The following RIF1 variants were observed in gnomAD, a reference collection of about 807,000 sequenced individuals.
RIF1 encodes replication timing regulatory factor 1, also known as telomere-associated protein RIF1.
A neutral mutation model predicts 247.1 loss-of-function variants in RIF1; 45 were observed. The observed-to-expected ratio is 0.18, with a 90% CI of 0.14 to 0.23. RIF1 has a LOEUF of 0.23. RIF1 is among the 10% of genes least tolerant of loss of function. The pLI, the probability that RIF1 is intolerant of heterozygous loss-of-function variation, is 1.00. For missense variants in RIF1, 2,967 were observed against 2,862.5 expected (o/e 1.04, Z -0.83); for synonymous variants, 1,087 against 978.8 (o/e 1.11, Z -2.06).
intron 6 of RIF1, among the ~76,000 whole-genome samples, chr2:151,417,694 A>C (rs181637798): frequency 6.6e-6 from 1 of 152,352 alleles, no homozygotes; most frequent in East Asian, 1.9e-4. Context: ...CCTAGAAATG[A>C]TTTAAAGTAT....
At chr2:151,521,060 G>A in the RIF1 span, among the ~76,000 whole-genome samples, 1 of 152,008 alleles carries the variant, frequency 6.6e-6, no homozygotes, top group African/African-American at 2.4e-5. Flanking sequence ...CAACCAAAAG[G>A]GCAATATTTA....
chr2:151,435,326 A>T, intron 10 of RIF1, 137 bp from the exon 11 acceptor site: 1 of 615,690 alleles, frequency 1.6e-6, no homozygotes, highest in South Asian at 2.3e-5. Context: ...TCCACTTTTT[A>T]GCCTGTTTGT....
At position 151,435,597 on chromosome 2, in the gene RIF1, C is replaced by T. The variant is rs763140698; in HGVS notation, c.1195+17C>T. On this transcript the variant is annotated intron_variant, in intron 11 of 35. Coordinates refer to ENST00000444746, the MANE Select transcript of RIF1 (RefSeq NM_018151.5). ...TACACAAAGGTAAGAGGTAGATATT[C>T]TTGTTTTTTGCTTTTTTAATCAGGC... The T allele has an allele frequency of 2.8e-6, 4 of 1,430,808 alleles. No individual in the cohort carries two copies. The highest frequency in any genetic ancestry group is 3.9e-6 in the Non-Finnish European group (4 of 1,016,582). The allele number at this position is 1,430,808 out of a possible 1,614,324, so 88.6% of individuals were successfully genotyped here. A position where few individuals can be genotyped will look rare whatever the true frequency, so the allele number is the denominator to read the frequency against.
chr2:151,462,595 A>T, intron 29 of RIF1, 129 bp downstream of exon 29: 3 of 647,846 alleles, frequency 4.6e-6, no homozygotes, highest in Non-Finnish European at 7.7e-6. Flanking sequence ...TTATTGTATG[A>T]TTTCCTTTTA....
chr2:151,417,969 G>A (rs926074998), intron 6 of RIF1, among the ~76,000 whole-genome samples: 1 of 152,008 alleles, frequency 6.6e-6, no homozygotes, highest in African/African-American at 2.4e-5. Flanking sequence ...CCTAAACATA[G>A]AAAAGGTACA....
In RIF1 at chr2:151,475,911, G is replaced by T. The variant is rs369380829; in HGVS notation, c.*840G>T. On this transcript the variant is annotated 3_prime_UTR_variant, in exon 36 of 36. Transcript: ENST00000444746. ...TATTAAATACTGAAATATCAGTATC[G>T]ACGGTGGAAGTGCTTCATGGGCTTG... The T allele has an allele frequency of 6.6e-6, 1 of 152,482 alleles. No homozygotes were observed. The highest frequency in any genetic ancestry group is 1.5e-5 in the Non-Finnish European group (1 of 68,008). The allele number at this position is 152,482 out of a possible 1,614,324, so 9.4% of individuals were successfully genotyped here.
chr2:151,426,598 G>C (rs1689139776), intron 8 of RIF1, among the ~76,000 whole-genome samples: 1 of 151,934 alleles, frequency 6.6e-6, no homozygotes, highest in South Asian at 2.1e-4. Flanking sequence ...TGAGTAGTTA[G>C]CATTTCATTG....
At chr2:151,525,410 T>C in the RIF1 span, 6 of 639,654 alleles carry the variant, frequency 9.4e-6, no homozygotes, top group Non-Finnish European at 1.4e-5. Flanking sequence ...AAGACCCATA[T>C]TCTAGTTCTT....
intron 6 of RIF1, among the ~76,000 whole-genome samples, chr2:151,418,227 G>A (rs1376895264): frequency 1.3e-5 from 2 of 151,982 alleles, no homozygotes; most frequent in Non-Finnish European, 2.9e-5. Context: ...ATTTTTTTGA[G>A]ACAGTCTCAC....
chr2:151,434,095 G>A (rs926534928), intron 10 of RIF1, among the ~76,000 whole-genome samples: 1 of 150,850 alleles, frequency 6.6e-6, no homozygotes, highest in Non-Finnish European at 1.5e-5. Context: ...TTGAACCCAG[G>A]AGATGGAGGT....
chr2:151,533,296 C>A, the RIF1 span: 21 of 599,174 alleles, frequency 3.5e-5, no homozygotes, highest in Non-Finnish European at 5.6e-5. Flanking sequence ...ATTCAGAGAT[C>A]ATTTACAAGG....
chr2:151,518,104 C>T, the RIF1 span, among the ~76,000 whole-genome samples: 1 of 152,154 alleles, frequency 6.6e-6, no homozygotes, highest in Non-Finnish European at 1.5e-5. Context: ...CCAGCCCCTG[C>T]CAGTAGCACA....
At chr2:151,514,424 T>G in the RIF1 span, 2 of 1,602,778 alleles carry the variant, frequency 1.2e-6, no homozygotes, top group Non-Finnish European at 1.7e-6. Context: ...TTTCCTGTAC[T>G]CTTTCTATAT....
intron 30 of RIF1, 122 bp downstream of exon 30, chr2:151,466,242 C>T: frequency 1.6e-6 from 1 of 632,524 alleles, no homozygotes; most frequent in Non-Finnish European, 2.8e-6. Flanking sequence ...TGATTATTTA[C>T]CATAATGGTT....
At chr2:151,426,032 G>A (rs1166300789) in intron 8 of RIF1, among the ~76,000 whole-genome samples, 1 of 151,536 alleles carries the variant, frequency 6.6e-6, no homozygotes, top group Non-Finnish European at 1.5e-5. Context: ...TTATATCCAA[G>A]CTCAGTATTC....
At position 151,506,145 on chromosome 2, in the gene RIF1, G is replaced by T. The variant is rs551832094; in HGVS notation, c.*862-65G>T. 1.6e-5 allele frequency: 25 copies of T among 1,566,984 alleles called. No homozygotes were observed. The South Asian group carries it at 2.8e-4, about 17-fold the overall frequency. ...CAAAGGGAGGCAGAAAATATTGCAA[G>T]TGCATTCACTGTGTCTTTACCGAGC... On this transcript the variant is annotated intron_variant and NMD_transcript_variant, in intron 12 of 13. Coordinates refer to the RIF1 transcript ENST00000454583.
chr2:151,446,321 T>G, intron 19 of RIF1, 105 bp from the exon 20 acceptor site: 3 of 981,428 alleles, frequency 3.1e-6, no homozygotes, highest in Non-Finnish European at 4.5e-6. Flanking sequence ...TTTGACACAC[T>G]AAATGTTGCA....
Position 151,442,766 on chromosome 2 carries a change from GATTTT to G in RIF1, c.1735-492_1735-488del, listed in dbSNP as rs1400107156. On this transcript the variant is annotated intron_variant, in intron 16 of 35. Coordinates refer to ENST00000444746, the MANE Select transcript of RIF1 (RefSeq NM_018151.5). ...GCTATGATTAGACTATAAAGAGCTT[GATTTT>G]TTTTTTTTTTTTTTTTTTTTGAGAC... 5.8e-5 allele frequency among the ~76,000 whole-genome samples: 7 copies of G among 120,032 alleles called. No individual in the cohort carries two copies. In the East Asian group the frequency reaches 1.7e-3, roughly 30 times the overall value. 78.7% of individuals were successfully genotyped at this position (120,032 alleles called of 152,430 possible).
chr2:151,475,187 C>G lies in RIF1; in HGVS notation c.*116C>G, dbSNP rs1290185714. The stretch of plus-strand genomic sequence containing the variant: ...AAGAGACTCTTTGCAAAGTTGATAA[C>G]ATTTCAAACCCTGAAGGACAGTGAC... On this transcript the variant is annotated 3_prime_UTR_variant, in exon 36 of 36. Transcript: ENST00000444746. The G allele has an allele frequency of 4.2e-6, 3 of 722,136 alleles. No homozygotes were observed. The highest frequency in any genetic ancestry group is 4.8e-5 in the Admixed American group (2 of 41,862). The allele number at this position is 722,136 out of a possible 1,614,324, so 44.7% of individuals were successfully genotyped here.
Sources: gnomAD v4.1 joint callset for allele counts (sites outside exome capture counted in the v4.1 genomes callset) on GRCh38, gnomAD v4.1.1 for gene constraint, MANE v1.5 for transcripts, NCBI Gene and HGNC (gene_info 2026-07-23, HGNC 2026-07-21) for gene names.